The following NRG1 variants were observed in gnomAD, a reference collection of about 807,000 sequenced individuals.
The protein encoded by NRG1 is pro-neuregulin-1, membrane-bound isoform.
NRG1 carries 18 observed loss-of-function variants against 63.8 expected under a neutral mutation model. The ratio of observed to expected loss-of-function variants is 0.28; its 90% CI spans 0.19 to 0.42. The LOEUF (loss-of-function observed/expected upper bound fraction) is 0.42, where lower values mean the gene tolerates loss of function less well. NRG1 is among the 10% of genes least tolerant of loss of function. The probability of loss-of-function intolerance (pLI) is 1.00; values close to 1 mark genes in which losing one functional copy is unlikely to be tolerated. For synonymous variants in NRG1, 302 were observed against 301.3 expected (o/e 1.00, Z -0.02); for missense variants, 762 against 814.7 (o/e 0.94, Z 0.79).
intron 5 of NRG1, among the ~76,000 whole-genome samples, chr8:32,711,865 C>A (rs1817896599): frequency 6.6e-6 from 1 of 152,118 alleles, no homozygotes; most frequent in Non-Finnish European, 1.5e-5. Flanking sequence ...ATGACTCATT[C>A]TAGAAATATG....
At chr8:31,809,065 A>G (rs951124637) in intron 1 of NRG1, among the ~76,000 whole-genome samples, 1 of 151,948 alleles carries the variant, frequency 6.6e-6, no homozygotes, top group Non-Finnish European at 1.5e-5. Context: ...TTTTCTACAG[A>G]CTTGTGAAGA....
chr8:32,354,167 G>A (rs992368933), intron 1 of NRG1, among the ~76,000 whole-genome samples: 1 of 151,918 alleles, frequency 6.6e-6, no homozygotes, highest in African/African-American at 2.4e-5. Context: ...TCAGGAGTTC[G>A]AGACCCCCCA....
intron 1 of NRG1, among the ~76,000 whole-genome samples, chr8:32,505,509 AAACCAATCATCCATTTTATGGTTT>A (rs1369343216): frequency 2.6e-5 from 4 of 152,186 alleles, no homozygotes; most frequent in Non-Finnish European, 5.9e-5. Flanking sequence ...TTATGACTCA[AAACCAATCATCCATTTTATGGTTT>A]AACCGGGGAC....
intron 1 of NRG1, among the ~76,000 whole-genome samples, chr8:32,354,057 A>C (rs1010097040): frequency 2.0e-5 from 3 of 152,190 alleles, no homozygotes; most frequent in African/African-American, 7.2e-5. Context: ...ACACTAAGTG[A>C]TAGATGCTAG....
intron 1 of NRG1, among the ~76,000 whole-genome samples, chr8:32,035,495 T>C (rs955762129): frequency 6.6e-6 from 1 of 152,206 alleles, no homozygotes; most frequent in African/African-American, 2.4e-5. Flanking sequence ...TGATTATCTT[T>C]GTTAATTTTC....
intron 1 of NRG1, among the ~76,000 whole-genome samples, chr8:31,713,015 A>ATCCT (rs1411676891): frequency 0.01 from 1,205 of 116,942 alleles, 4 homozygotes; most frequent in South Asian, 0.018. Flanking sequence ...CCATCCATCC[A>ATCCT]TCCATCCATC....
intron 1 of NRG1, among the ~76,000 whole-genome samples, chr8:32,506,588 C>T (rs767926886): frequency 5.9e-5 from 9 of 152,144 alleles, no homozygotes; most frequent in South Asian, 2.1e-4. Flanking sequence ...TCACAAAAGT[C>T]GCAATACCCA....
At chr8:32,685,026 C>T (rs184357382) in intron 5 of NRG1, among the ~76,000 whole-genome samples, 13 of 152,238 alleles carry the variant, frequency 8.5e-5, no homozygotes, top group Admixed American at 7.2e-4. Flanking sequence ...CCAATGGTAA[C>T]ATTCTGCAAA....
chr8:31,767,181 C>T (rs1818155052), intron 1 of NRG1, among the ~76,000 whole-genome samples: 1 of 152,064 alleles, frequency 6.6e-6, no homozygotes, highest in African/African-American at 2.4e-5. Flanking sequence ...ACATTAAAGC[C>T]CCATTATTAG....
intron 1 of NRG1, among the ~76,000 whole-genome samples, chr8:32,367,776 C>T (rs1021023990): frequency 6.6e-6 from 1 of 152,086 alleles, no homozygotes; most frequent in East Asian, 1.9e-4. Context: ...TGTTTTCCCT[C>T]TTTTCTTCTG....
At chr8:32,741,901 C>T in intron 6 of NRG1, 107 bp from the exon 7 acceptor site, 1 of 770,226 alleles carries the variant, frequency 1.3e-6, no homozygotes, top group Non-Finnish European at 2.3e-6. Flanking sequence ...TTGCTTGGTA[C>T]CAGATCATTT....
chr8:32,771,471 T>C (rs912451309), downstream of NRG1, among the ~76,000 whole-genome samples: 28 of 151,284 alleles, frequency 1.9e-4, no homozygotes, highest in African/African-American at 6.8e-4. Context: ...TTGCTTCTTA[T>C]GCAGCCATAC....
intron 1 of NRG1, among the ~76,000 whole-genome samples, chr8:32,201,315 A>T (rs368116563): frequency 3.9e-5 from 6 of 152,272 alleles, no homozygotes; most frequent in African/African-American, 1.2e-4. Context: ...CAGCATATCA[A>T]CCAGAATCTA....
At chr8:31,654,054 T>A (rs1363535597) in intron 1 of NRG1, among the ~76,000 whole-genome samples, 1 of 152,194 alleles carries the variant, frequency 6.6e-6, no homozygotes, top group South Asian at 2.1e-4. Context: ...ATTAAATGTA[T>A]TGATAAGTAA....
At chr8:32,681,570 T>C (rs10503924) in intron 5 of NRG1, among the ~76,000 whole-genome samples, 1 of 152,130 alleles carries the variant, frequency 6.6e-6, no homozygotes. Context: ...GAGAATATAT[T>C]GATAACAGCA....
Position 32,036,741 on chromosome 8 carries a change from T to A in NRG1, c.37+397310T>A, listed in dbSNP as rs925799785. 7.2e-5 allele frequency among the ~76,000 whole-genome samples: 11 copies of A among 152,200 alleles called. 1 individual carries two copies. Among genetic ancestry groups the A allele is most frequent in the Non-Finnish European group, 1.5e-5 (1 of 68,026 alleles). The stretch of plus-strand genomic sequence containing the variant: ...TCTATTCAGTTATTGATACTCGTGG[T>A]TGCATTGTGAAGTTCTCATGTTATG... On this transcript the variant is annotated intron_variant, in intron 1 of 10. Transcript: ENST00000519301.
chr8:32,118,353 T>TC (rs1833012305), intron 1 of NRG1, among the ~76,000 whole-genome samples: 1 of 151,272 alleles, frequency 6.6e-6, no homozygotes, highest in South Asian at 2.1e-4. Context: ...TGGTTCCTCT[T>TC]CCCCCTCTCT....
chr8:32,624,940 T>A (rs545527881), intron 5 of NRG1, among the ~76,000 whole-genome samples: 3 of 152,186 alleles, frequency 2.0e-5, no homozygotes, highest in Non-Finnish European at 2.9e-5. Flanking sequence ...GTGTTTTTTG[T>A]TTTCAATTTG....
intron 5 of NRG1, among the ~76,000 whole-genome samples, chr8:32,721,378 G>C (rs1820588033): frequency 6.6e-6 from 1 of 152,146 alleles, no homozygotes; most frequent in South Asian, 2.1e-4. Context: ...TGGACAAAGT[G>C]TCACCTTGTA....
Sources: gnomAD v4.1 joint callset for allele counts (sites outside exome capture counted in the v4.1 genomes callset) on GRCh38, gnomAD v4.1.1 for gene constraint, MANE v1.5 for transcripts, NCBI Gene and HGNC (gene_info 2026-07-23, HGNC 2026-07-21) for gene names.